GRAMD2A: variants seen among roughly 807,000 people sequenced by gnomAD.
The protein encoded by GRAMD2A is GRAM domain containing 2A, also known as GRAM domain-containing protein 2A.
Under a neutral mutation model 51.1 loss-of-function variants are expected in GRAMD2A, and 37 were observed. That is an observed-to-expected ratio of 0.72 (90% CI 0.56 to 0.95). The LOEUF is 0.95. Ranked by LOEUF, GRAMD2A falls within the 40% of genes least tolerant of loss-of-function variation. GRAMD2A has a pLI of 0.00. For missense variants in GRAMD2A, 414 were observed against 426.9 expected, an observed-to-expected ratio of 0.97 and a Z score of 0.27; for synonymous variants, 136 against 157.1, an observed-to-expected ratio of 0.87 and a Z score of 1.01.
intron 2 of GRAMD2A, 67 bp downstream of exon 2, chr15:72,169,780 G>A: frequency 1.5e-6 from 2 of 1,303,622 alleles, no homozygotes; most frequent in Non-Finnish European, 2.2e-6. Context: ...CTTACAAACA[G>A]GTCACTTCCT....
At position 72,167,791 on chromosome 15, in the gene GRAMD2A, T is replaced by C. The variant is rs766267695; in HGVS notation, c.317A>G (p.Tyr106Cys). ...QRDFLLQGRL[Y>C]ISPNWLCFHA... The stretch of plus-strand genomic sequence containing the variant: ...GAAGCAGAGCCAGTTGGGGGAGATG[T>C]AGAGCCGGCCCTGGAGGAGGAAGTC... The change falls in exon 5 of 12, where the codon TAC becomes TGC. Residue 106 changes from tyrosine (Y) to cysteine (C), a missense_variant. Tyr to Cys is a radical substitution (Grantham distance 194). Transcript: ENST00000309731. The C allele has an allele frequency of 3.1e-6, 5 of 1,614,064 alleles. No individual in the cohort carries two copies. The highest frequency in any genetic ancestry group is 4.2e-6 in the Non-Finnish European group (5 of 1,179,968).
intron 1 of GRAMD2A, among the ~76,000 whole-genome samples, chr15:72,171,376 C>G (rs777406528): frequency 2.6e-5 from 4 of 151,698 alleles, no homozygotes; most frequent in African/African-American, 7.3e-5. Context: ...AAAAATCACC[C>G]AAATAAAAAA....
intron 5 of GRAMD2A, 57 bp downstream of exon 5, chr15:72,167,679 G>A: frequency 7.6e-7 from 1 of 1,322,600 alleles, no homozygotes. Context: ...CATGCCCGTG[G>A]GGCAGGAGGC....
chr15:72,191,750 A>G (rs555149931), intron 1 of GRAMD2A, among the ~76,000 whole-genome samples: 1 of 152,368 alleles, frequency 6.6e-6, no homozygotes, highest in African/African-American at 2.4e-5. Context: ...AATCAAAGGA[A>G]TGGTTTAAAC....
At chr15:72,184,988 G>A (rs1195192517) in intron 1 of GRAMD2A, among the ~76,000 whole-genome samples, 15 of 152,186 alleles carry the variant, frequency 9.9e-5, no homozygotes, top group African/African-American at 3.6e-4. Flanking sequence ...ATTAACTCAT[G>A]GAATTAATTA....
At chr15:72,193,619 T>C (rs1376296499) in intron 1 of GRAMD2A, among the ~76,000 whole-genome samples, 2 of 151,962 alleles carry the variant, frequency 1.3e-5, no homozygotes, top group Non-Finnish European at 2.9e-5. Context: ...GCCTCCCAGG[T>C]TCACGCCAGT....
Position 72,169,827 on chromosome 15 carries a change from A to T in GRAMD2A, c.134+20T>A, listed in dbSNP as rs372402636. On this transcript the variant is annotated intron_variant, in intron 2 of 11. Coordinates refer to ENST00000309731, the MANE Select transcript of GRAMD2A (RefSeq NM_001012642.3). ...ACCCTCTAGTCTGTGTGTATCTATGACTGGGAAAGGGGTCCTCACCTGTAG... is the reference window on the plus strand; with the variant it reads ...ACCCTCTAGTCTGTGTGTATCTATGTCTGGGAAAGGGGTCCTCACCTGTAG... 21 of 1,588,178 alleles carry T rather than the reference A, an allele frequency of 1.3e-5. No individual in the cohort carries two copies. In the African/African-American group the frequency reaches 2.4e-4, roughly 18 times the overall value.
At chr15:72,194,879 G>C (rs942559851) in intron 1 of GRAMD2A, among the ~76,000 whole-genome samples, 4 of 152,052 alleles carry the variant, frequency 2.6e-5, no homozygotes, top group Middle Eastern at 3.2e-3. Flanking sequence ...GTAGAGATGG[G>C]GTTTTACCAT....
intron 1 of GRAMD2A, among the ~76,000 whole-genome samples, chr15:72,188,516 A>T (rs2140559818): frequency 6.6e-6 from 1 of 152,322 alleles, no homozygotes; most frequent in Admixed American, 6.5e-5. Flanking sequence ...CTATATTAAC[A>T]TGAAAGATAG....
intron 1 of GRAMD2A, among the ~76,000 whole-genome samples, chr15:72,187,979 C>T (rs1339974819): frequency 1.3e-5 from 2 of 152,098 alleles, no homozygotes; most frequent in Non-Finnish European, 2.9e-5. Flanking sequence ...CCTGTCACAC[C>T]TGTAAATTCC....
At position 72,160,334 on chromosome 15, in the gene GRAMD2A, A is replaced by AAC. The variant is rs2081459294; in HGVS notation, c.*1674_*1675insGT. ...TGAAAGGGTGAAAGGGGCTGGTTCC[A>AAC]AAAAAAAAAAAAAAAAAAGGATGAC... On this transcript the variant is annotated 3_prime_UTR_variant, in exon 12 of 12. Transcript: ENST00000309731. 5 of 2,212 alleles carry AAC rather than the reference A, an allele frequency of 2.3e-3. No homozygotes were observed. In the Non-Finnish European group the frequency reaches 0.029, roughly 13 times the overall value. 0.1% of individuals were successfully genotyped at this position (2,212 alleles called of 1,614,324 possible).
At chr15:72,168,875 C>T in intron 3 of GRAMD2A, 64 bp downstream of exon 3, 1 of 1,490,796 alleles carries the variant, frequency 6.7e-7, no homozygotes, top group Non-Finnish European at 9.4e-7. Flanking sequence ...CCAAAAGTCA[C>T]TGAATTCTGG....
intron 5 of GRAMD2A, 121 bp from the exon 6 acceptor site, chr15:72,167,213 T>TG: frequency 1.4e-6 from 1 of 736,796 alleles, no homozygotes; most frequent in Non-Finnish European, 2.4e-6. Flanking sequence ...TGGCCCCATG[T>TG]GGGGAAGTCT....
At chr15:72,171,758 G>C (rs7177512) in intron 1 of GRAMD2A, among the ~76,000 whole-genome samples, 145,223 of 152,208 alleles carry the variant, frequency 0.95, 69,661 homozygotes, top group East Asian at 1. Context: ...GTCTTATAGA[G>C]AATTCACAGG....
intron 1 of GRAMD2A, among the ~76,000 whole-genome samples, chr15:72,197,233 C>T (rs2140565002): frequency 6.6e-6 from 1 of 152,260 alleles, no homozygotes; most frequent in South Asian, 2.1e-4. Context: ...GCTGCCTCCC[C>T]GCAGCCGCGG....
Position 72,160,982 on chromosome 15 carries a change from G to A in GRAMD2A, c.*1027C>T, listed in dbSNP as rs570584798. ...CATGGCCTGCAACCCAATGACTATGGGGGTGACACAAGTGACCTCTGCCCT... is the reference window on the plus strand; with the variant it reads ...CATGGCCTGCAACCCAATGACTATGAGGGTGACACAAGTGACCTCTGCCCT... On this transcript the variant is annotated 3_prime_UTR_variant, in exon 12 of 12. Transcript: ENST00000309731. 6.6e-6 allele frequency: 1 copy of A among 152,360 alleles called. No individual in the cohort carries two copies. Among genetic ancestry groups the A allele is most frequent in the South Asian group, 2.1e-4 (1 of 4,822 alleles). 9.4% of individuals were successfully genotyped at this position (152,360 alleles called of 1,614,324 possible).
intron 1 of GRAMD2A, among the ~76,000 whole-genome samples, chr15:72,180,083 C>G (rs2081685347): frequency 2.0e-5 from 3 of 152,236 alleles, no homozygotes; most frequent in South Asian, 4.1e-4. Context: ...ATTGCTGCCC[C>G]CTCCTGCCCA....
intron 8 of GRAMD2A, 53 bp downstream of exon 8, chr15:72,165,299 CAG>C (rs943141908): frequency 6.4e-7 from 1 of 1,552,704 alleles, no homozygotes; most frequent in Non-Finnish European, 8.9e-7. Context: ...CCAGAAGCCT[CAG>C]AGCTCCAGGC....
rs2081823585 is a variant in GRAMD2A, at chr15:72,197,787, C to T, written c.-16G>A. The stretch of plus-strand genomic sequence containing the variant: ...AAGCGGTCATCCCGGCGCCTGCACC[C>T]AGCGCCCCGACCGCGCGCCGGGACC... On this transcript the variant is annotated 5_prime_UTR_variant, in exon 1 of 12. Coordinates refer to ENST00000309731, the MANE Select transcript of GRAMD2A (RefSeq NM_001012642.3). 2.4e-6 allele frequency: 3 copies of T among 1,251,098 alleles called. No individual in the cohort carries two copies. The highest frequency in any genetic ancestry group is 5.2e-5 in the South Asian group (2 of 38,262). 77.5% of individuals were successfully genotyped at this position (1,251,098 alleles called of 1,614,324 possible).
Sources: allele counts gnomAD v4.1 joint callset (sites outside exome capture counted in the v4.1 genomes callset), GRCh38; gene constraint gnomAD v4.1.1; transcripts MANE v1.5; gene names NCBI Gene and HGNC (gene_info 2026-07-23, HGNC 2026-07-21).